Variants in RAD18 observed in about 807,000 individuals in gnomAD.
The protein encoded by RAD18 is RAD18 E3 ubiquitin protein ligase.
Under a neutral mutation model 60.4 loss-of-function variants are expected in RAD18, and 47 were observed. The ratio of observed to expected loss-of-function variants is 0.78; its 90% CI spans 0.62 to 0.99. RAD18 has a LOEUF of 0.99. Ranked by LOEUF, RAD18 falls within the 50% of genes least tolerant of loss-of-function variation. The pLI is 0.00. For missense variants in RAD18, 640 were observed against 593.3 expected (o/e 1.08, Z -0.82); for synonymous variants, 225 against 195.5 (o/e 1.15, Z -1.26).
chr3:8,913,460 T>C (rs372050595), intron 8 of RAD18, among the ~76,000 whole-genome samples, 184 bp downstream of exon 8: 1 of 152,310 alleles, frequency 6.6e-6, no homozygotes, highest in African/African-American at 2.4e-5. Context: ...GGATTGCATT[T>C]TGTGCTAGAA....
chr3:8,885,049 C>T (rs7625725), intron 12 of RAD18, among the ~76,000 whole-genome samples: 5,499 of 152,308 alleles, frequency 0.036, 334 homozygotes, highest in African/African-American at 0.12. Flanking sequence ...AGTGTTGAAT[C>T]TACTGAATGC....
At chr3:8,922,813 A>G (rs1279635093) in intron 7 of RAD18, among the ~76,000 whole-genome samples, 2 of 152,194 alleles carry the variant, frequency 1.3e-5, no homozygotes, top group Non-Finnish European at 2.9e-5. Flanking sequence ...CAGGGTCTGG[A>G]GTGGACCTCT....
intron 6 of RAD18, among the ~76,000 whole-genome samples, chr3:8,936,433 C>A (rs1307768303): frequency 6.6e-6 from 1 of 152,172 alleles, no homozygotes; most frequent in East Asian, 1.9e-4. Context: ...TTAAAGCATG[C>A]TAGAAATTCT....
intron 12 of RAD18, 88 bp from the exon 13 acceptor site, chr3:8,881,547 T>C: frequency 9.4e-7 from 1 of 1,062,934 alleles, no homozygotes; most frequent in Non-Finnish European, 1.4e-6. Flanking sequence ...ACACATATTA[T>C]TTCATTAAAA....
intron 10 of RAD18, among the ~76,000 whole-genome samples, chr3:8,900,743 T>C (rs1018068633): frequency 6.6e-6 from 1 of 152,212 alleles, no homozygotes; most frequent in Non-Finnish European, 1.5e-5. Context: ...TGTATGATGC[T>C]ATACAAAATC....
intron 9 of RAD18, among the ~76,000 whole-genome samples, chr3:8,906,890 G>A (rs1940015848): frequency 6.7e-6 from 1 of 149,952 alleles, no homozygotes; most frequent in African/African-American, 2.5e-5. Context: ...TTTCTTCTTT[G>A]ACCTATGGGT....
At chr3:8,906,937 G>A (rs1436132883) in intron 9 of RAD18, among the ~76,000 whole-genome samples, 1 of 151,912 alleles carries the variant, frequency 6.6e-6, no homozygotes, top group Non-Finnish European at 1.5e-5. Context: ...CAAATATTTG[G>A]TGACTTTCCC....
chr3:8,939,769 T>C, intron 5 of RAD18, 116 bp from the exon 6 acceptor site: 1 of 813,076 alleles, frequency 1.2e-6, no homozygotes. Context: ...TAACATGCAC[T>C]TAGAAAAGCA....
intron 1 of RAD18, among the ~76,000 whole-genome samples, chr3:8,961,837 T>C (rs557988954): frequency 2.6e-5 from 4 of 152,288 alleles, no homozygotes; most frequent in African/African-American, 9.6e-5. Flanking sequence ...GGAACCCGCC[T>C]CTAAAGAACA....
intron 1 of RAD18, among the ~76,000 whole-genome samples, chr3:8,960,340 T>A (rs1941077301): frequency 6.6e-6 from 1 of 152,152 alleles, no homozygotes; most frequent in African/African-American, 2.4e-5. Flanking sequence ...CATTCTATTT[T>A]CATTGTAAAT....
Position 8,959,784 on chromosome 3 carries a change from C to T in RAD18, c.52-783G>A, listed in dbSNP as rs575380917. Among the ~76,000 whole-genome samples, 207 of 151,306 alleles carry T rather than the reference C, an allele frequency of 1.4e-3. 1 individual carries two copies. The highest frequency in any genetic ancestry group is 2.1e-3 in the Non-Finnish European group (141 of 67,870). The stretch of plus-strand genomic sequence containing the variant: ...ATATTTTTTAAAAGGAGGAAGCTCT[C>T]GACGGGAGGATCGCTTGAGTCCAGG... On this transcript the variant is annotated intron_variant, in intron 1 of 12. Coordinates refer to ENST00000264926, the MANE Select transcript of RAD18 (RefSeq NM_020165.4).
chr3:8,947,843 A>G (rs762024535), intron 3 of RAD18, among the ~76,000 whole-genome samples: 8 of 152,194 alleles, frequency 5.3e-5, no homozygotes, highest in Non-Finnish European at 1.0e-4. Context: ...CCAAATCACA[A>G]AATTTCTTAC....
intron 12 of RAD18, 99 bp downstream of exon 12, chr3:8,890,290 C>A: frequency 1.0e-6 from 1 of 974,570 alleles, no homozygotes. Flanking sequence ...CTTCTTTAAA[C>A]CAGAAAGCAA....
intron 7 of RAD18, among the ~76,000 whole-genome samples, chr3:8,926,515 A>T (rs956667166): frequency 1.3e-5 from 2 of 152,252 alleles, no homozygotes; most frequent in Non-Finnish European, 2.9e-5. Context: ...TGCCATCCCC[A>T]TTAAGCTACC....
chr3:8,962,011 T>C (rs945355864), intron 1 of RAD18, among the ~76,000 whole-genome samples: 1 of 152,220 alleles, frequency 6.6e-6, no homozygotes, highest in Non-Finnish European at 1.5e-5. Flanking sequence ...AATATATTCA[T>C]TGAATGCTTA....
Position 8,913,687 on chromosome 3 carries a change from T to C in RAD18, c.923A>G (p.Glu308Gly). The C allele has an allele frequency of 6.3e-7, 1 of 1,580,420 alleles. No homozygotes were observed. The highest frequency in any genetic ancestry group is 8.6e-7 in the Non-Finnish European group (1 of 1,161,296). Residue 308 changes from glutamate to glycine, a missense_variant, in exon 8 of 13, where the codon GAG (glutamate) becomes GGG (glycine). Glu to Gly is a moderately conservative substitution (Grantham distance 98). Transcript: ENST00000264926. ...AGCTTCAAGACGCATCCTAGTCTTC[T>C]CTATATTTTCGATTTCTCGAACTAT... Reference protein sequence around the residue: ...AEIVREIENIEKTRMRLEASK... With the variant: ...AEIVREIENIGKTRMRLEASK...
Position 8,912,382 on chromosome 3 carries a change from TC to T in RAD18, c.967-11del. 3 of 1,516,084 alleles carry T rather than the reference TC, an allele frequency of 2.0e-6. No homozygotes were observed. Among genetic ancestry groups the T allele is most frequent in the Non-Finnish European group, 2.7e-6 (3 of 1,122,472 alleles). 93.9% of individuals were successfully genotyped at this position (1,516,084 alleles called of 1,614,324 possible). ...TTGTAAAAACCATTACCTAAAATAATCAAAAAAAGACCTTAATAAAAATCTC... is the reference window on the plus strand; with the variant it reads ...TTGTAAAAACCATTACCTAAAATAATAAAAAAAGACCTTAATAAAAATCTC... On this transcript the variant is annotated splice_polypyrimidine_tract_variant and intron_variant, in intron 8 of 12. Transcript: ENST00000264926.
chr3:8,930,997 T>C (rs1226018316), intron 7 of RAD18, among the ~76,000 whole-genome samples: 1 of 152,108 alleles, frequency 6.6e-6, no homozygotes, highest in Non-Finnish European at 1.5e-5. Context: ...CACATCACAC[T>C]GGAGGTTCTA....
At chr3:8,900,391 G>C (rs913430527) in intron 10 of RAD18, among the ~76,000 whole-genome samples, 6 of 152,180 alleles carry the variant, frequency 3.9e-5, no homozygotes, top group Non-Finnish European at 7.4e-5. Flanking sequence ...TAGCAAACCA[G>C]GGAACAGGAA....
Sources: gnomAD v4.1 joint callset for allele counts (sites outside exome capture counted in the v4.1 genomes callset) on GRCh38, gnomAD v4.1.1 for gene constraint, MANE v1.5 for transcripts, NCBI Gene and HGNC (gene_info 2026-07-23, HGNC 2026-07-21) for gene names.